NBAS: variants seen among roughly 807,000 people sequenced by gnomAD.
NBAS encodes the protein NAG/BC035112 fusion.
NBAS carries 219 observed loss-of-function variants against 302.5 expected under a neutral mutation model. The observed-to-expected ratio is 0.72, with a 90% CI of 0.65 to 0.81. The LOEUF (loss-of-function observed/expected upper bound fraction) is 0.81, where lower values mean the gene tolerates loss of function less well. Among genes scored for constraint, NBAS ranks in the 30% least tolerant of loss-of-function variants. NBAS has a pLI of 0.00. For synonymous variants in NBAS, 1,118 were observed against 1,021.6 expected, an observed-to-expected ratio of 1.09 and a Z score of -1.80; for missense variants, 2,932 against 2,841.6, an observed-to-expected ratio of 1.03 and a Z score of -0.72.
the NBAS span, among the ~76,000 whole-genome samples, chr2:14,916,680 A>G: frequency 3.3e-5 from 5 of 152,214 alleles, no homozygotes; most frequent in Admixed American, 3.3e-4. Flanking sequence ...TAGCAGATGG[A>G]CCACTGTGTA....
At chr2:15,312,521 C>T (rs1671325562) in intron 38 of NBAS, among the ~76,000 whole-genome samples, 1 of 152,116 alleles carries the variant, frequency 6.6e-6, no homozygotes, top group Admixed American at 6.5e-5. Flanking sequence ...AAGTGATCCT[C>T]CTGCCTCGAA....
chr2:14,873,298 G>A, the NBAS span, among the ~76,000 whole-genome samples: 1 of 152,120 alleles, frequency 6.6e-6, no homozygotes, highest in Non-Finnish European at 1.5e-5. Context: ...AGTTCTCCAA[G>A]TCCCCACCCG....
chr2:15,017,115 T>C, the NBAS span, among the ~76,000 whole-genome samples: 6 of 151,906 alleles, frequency 3.9e-5, no homozygotes, highest in African/African-American at 1.4e-4. Flanking sequence ...ATCCCCTAGG[T>C]AGAAGAATGA....
the NBAS span, among the ~76,000 whole-genome samples, chr2:15,105,993 C>G: frequency 2.0e-5 from 3 of 152,154 alleles, no homozygotes; most frequent in Non-Finnish European, 4.4e-5. Flanking sequence ...ATAGCTATTA[C>G]AGTGGCACTC....
rs147821348 is a variant in NBAS at position 15,375,539 on chromosome 2, A to C, written c.3591-819T>G. Among the ~76,000 whole-genome samples, 91 of 152,262 alleles carry C rather than the reference A, an allele frequency of 6.0e-4. No individual in the cohort carries two copies. In the East Asian group the frequency reaches 0.016, roughly 27 times the overall value. On this transcript the variant is annotated intron_variant, in intron 30 of 51. Transcript: ENST00000281513. The stretch of plus-strand genomic sequence containing the variant: ...GATACAGGCCAAGCCTGCTCTCGTA[A>C]AACTGGAGGATTTAAATCAGTTGTG...
At chr2:15,196,834 G>A (rs891558377) in intron 48 of NBAS, among the ~76,000 whole-genome samples, 1 of 137,118 alleles carries the variant, frequency 7.3e-6, no homozygotes, top group Non-Finnish European at 1.5e-5. Flanking sequence ...CTGTTTGTTC[G>A]TTTAAAGAAA....
chr2:14,830,582 G>A, the NBAS span, among the ~76,000 whole-genome samples: 1 of 152,114 alleles, frequency 6.6e-6, no homozygotes, highest in South Asian at 2.1e-4. Flanking sequence ...CCAGGTTTGC[G>A]AACGACTGTC....
At chr2:15,362,579 T>G (rs1430437754) in intron 32 of NBAS, among the ~76,000 whole-genome samples, 1 of 152,162 alleles carries the variant, frequency 6.6e-6, no homozygotes. Flanking sequence ...AATAACACAC[T>G]CATGATTTAG....
intron 11 of NBAS, among the ~76,000 whole-genome samples, chr2:15,499,661 G>A (rs965342714): frequency 6.6e-6 from 1 of 151,980 alleles, no homozygotes; most frequent in African/African-American, 2.4e-5. Flanking sequence ...TAACTAATGG[G>A]ACTAGGCCTA....
At chr2:14,865,202 T>TG in the NBAS span, among the ~76,000 whole-genome samples, 1 of 151,300 alleles carries the variant, frequency 6.6e-6, no homozygotes, top group Non-Finnish European at 1.5e-5. Flanking sequence ...GTGGGGTGAG[T>TG]GGGGGGGAAT....
the NBAS span, among the ~76,000 whole-genome samples, chr2:14,914,237 T>A: frequency 6.6e-6 from 1 of 152,124 alleles, no homozygotes; most frequent in East Asian, 1.9e-4. Context: ...TGAGATTTGG[T>A]TGGGGACACA....
chr2:15,333,827 G>C (rs1672458445), intron 35 of NBAS, among the ~76,000 whole-genome samples: 1 of 142,236 alleles, frequency 7.0e-6, no homozygotes, highest in Non-Finnish European at 1.5e-5. Context: ...AGCAAGGTTA[G>C]ATACAGTGGA....
intron 32 of NBAS, among the ~76,000 whole-genome samples, chr2:15,363,667 T>G (rs548521863): frequency 6.6e-6 from 1 of 152,202 alleles, no homozygotes; most frequent in African/African-American, 2.4e-5. Flanking sequence ...AAGAAGGAAC[T>G]GAGATAAGTA....
At chr2:15,344,336 A>G (rs930279122) in intron 35 of NBAS, among the ~76,000 whole-genome samples, 5 of 152,156 alleles carry the variant, frequency 3.3e-5, no homozygotes, top group African/African-American at 7.2e-5. Context: ...ATCACCACTA[A>G]CCCCACAGAA....
chr2:15,183,805 T>C (rs974960704), intron 50 of NBAS, among the ~76,000 whole-genome samples: 4 of 152,026 alleles, frequency 2.6e-5, no homozygotes, highest in Non-Finnish European at 4.4e-5. Context: ...TCCCATGGAG[T>C]GTGTGAGGAG....
At chr2:15,169,630 G>A (rs768020239) in intron 51 of NBAS, among the ~76,000 whole-genome samples, 5 of 152,176 alleles carry the variant, frequency 3.3e-5, no homozygotes, top group African/African-American at 9.7e-5. Flanking sequence ...CTAGAAGCCC[G>A]TGTCTCGGCC....
At chr2:15,498,750 GCT>G (rs71400654) in intron 11 of NBAS, among the ~76,000 whole-genome samples, 24 of 147,870 alleles carry the variant, frequency 1.6e-4, no homozygotes, top group South Asian at 4.3e-4. Flanking sequence ...ATTCGTGCTC[GCT>G]CTCTCTCTCT....
the NBAS span, among the ~76,000 whole-genome samples, chr2:15,125,869 C>T: frequency 2.0e-5 from 3 of 152,086 alleles, no homozygotes; most frequent in Non-Finnish European, 2.9e-5. Flanking sequence ...ACTTGGAGCT[C>T]TTGATTAAGT....
chr2:15,233,923 T>C (rs188284230), intron 46 of NBAS, among the ~76,000 whole-genome samples: 1 of 152,310 alleles, frequency 6.6e-6, no homozygotes, highest in East Asian at 1.9e-4. Context: ...CTAATTGTAT[T>C]ATTCACAGAA....
Sources: allele counts gnomAD v4.1 joint callset (sites outside exome capture counted in the v4.1 genomes callset), GRCh38; gene constraint gnomAD v4.1.1; transcripts MANE v1.5; gene names NCBI Gene and HGNC (gene_info 2026-07-23, HGNC 2026-07-21).